TTN: variants seen among roughly 807,000 people sequenced by gnomAD.
TTN encodes connectin.
A neutral mutation model predicts 3,223.0 loss-of-function variants in TTN; 1,525 were observed. The ratio of observed to expected loss-of-function variants is 0.47; its 90% CI spans 0.45 to 0.49. The LOEUF (loss-of-function observed/expected upper bound fraction) is 0.49, where lower values mean the gene tolerates loss of function less well. Ranked by LOEUF, TTN falls within the 20% of genes least tolerant of loss-of-function variation. The probability of loss-of-function intolerance (pLI) is 0.00; values close to 1 mark genes in which losing one functional copy is unlikely to be tolerated. For synonymous variants in TTN, 14,094 were observed against 15,161.0 expected, an observed-to-expected ratio of 0.93 and a Z score of 5.17; for missense variants, 40,786 against 43,424.0, an observed-to-expected ratio of 0.94 and a Z score of 5.40.
At chr2:178,804,072 A>G (rs1172683184) in intron 2 of TTN, among the ~76,000 whole-genome samples, 1 of 152,220 alleles carries the variant, frequency 6.6e-6, no homozygotes, top group Non-Finnish European at 1.5e-5. Flanking sequence ...GAGTTGGTTA[A>G]TTACTGAACA....
Position 178,595,771 on chromosome 2 carries a change from T to G in TTN, c.57583A>C (p.Asn19195His), listed in dbSNP as rs757544346. 2 of 1,608,058 alleles carry G rather than the reference T, an allele frequency of 1.2e-6. No homozygotes were observed. The highest frequency in any genetic ancestry group is 2.7e-5 in the African/African-American group (2 of 74,824). The change falls in exon 295 of 363, where the codon AAC becomes CAC. Residue 19195 changes from asparagine (N) to histidine (H), a missense_variant. Transcript: ENST00000589042. ...AGTTTGCAGGACTCATTGGTTAGGT[T>G]GTGAGCTAGGAATGGTGTTCCAACG... ...GPVGTPFLAH[N>H]LTNESCKLTW...
Position 178,757,718 on chromosome 2 carries a change from T to C in TTN, c.10502A>G (p.Asn3501Ser). 1 of 1,613,810 alleles carries C rather than the reference T, an allele frequency of 6.2e-7. No individual in the cohort carries two copies. Among genetic ancestry groups the C allele is most frequent in the Non-Finnish European group, 8.5e-7 (1 of 1,179,776 alleles). Residue 3501 changes from asparagine (N) to serine (S), a missense_variant, in exon 45 of 363, where the codon AAC (asparagine) becomes AGC (serine). By Grantham distance (46) the Asn-to-Ser change is conservative (BLOSUM62 1). Transcript: ENST00000589042. The part of the protein sequence containing the change: ...IPKPEIQWFH[N>S]QQLILPTKDV... ...TTTTGTTGGTAGAATTAGCTGCTGG[T>C]TATGAAACCATTGGATTTCTGGCTT... is the stretch of plus-strand genomic sequence containing the variant.
chr2:178,785,019 A>G (rs916154962), intron 15 of TTN, among the ~76,000 whole-genome samples: 2 of 152,144 alleles, frequency 1.3e-5, no homozygotes, highest in African/African-American at 2.4e-5. Flanking sequence ...CATGCTGACA[A>G]CTGCAGGTTT....
chr2:178,794,136 T>C (rs1480813452), intron 8 of TTN, among the ~76,000 whole-genome samples: 1 of 150,502 alleles, frequency 6.6e-6, no homozygotes, highest in Non-Finnish European at 1.5e-5. Context: ...CTACCTTGAA[T>C]ACCATAGTTG....
intron 361 of TTN, 48 bp from the exon 362 acceptor site, chr2:178,527,796 A>G (rs751610696): frequency 6.7e-7 from 1 of 1,497,326 alleles, no homozygotes; most frequent in Non-Finnish European, 9.0e-7. Flanking sequence ...CATCTGGTTA[A>G]TTGATGACAT....
In TTN at chr2:178,534,220, G is replaced by A; in HGVS notation, c.102395C>T (p.Ser34132Phe). The change falls in exon 358 of 363, where the codon TCC (serine) becomes TTC (phenylalanine). Residue 34132 changes from serine (S) to phenylalanine (F), a missense_variant. Coordinates refer to ENST00000589042, the MANE Select transcript of TTN (RefSeq NM_001267550.2). ...CCCAGAAACTGGGCCAATTTCAATGGATGCCACTTTAACTTTAGCAACACT... is the reference window on the plus strand; with the variant it reads ...CCCAGAAACTGGGCCAATTTCAATGAATGCCACTTTAACTTTAGCAACACT... Reference protein sequence around the residue: ...GVSVAKVKVASIEIGPVSGQI... With the variant: ...GVSVAKVKVAFIEIGPVSGQI... 1 of 1,613,922 alleles carries A rather than the reference G, an allele frequency of 6.2e-7. No homozygotes were observed. The highest frequency in any genetic ancestry group is 8.5e-7 in the Non-Finnish European group (1 of 1,179,852).
In TTN at chr2:178,620,991, T is replaced by G. The variant is rs2058175006; in HGVS notation, c.45619A>C (p.Lys15207Gln). Reference sequence around the variant, plus strand: ...TTAAGAGGAACTACGATCCTGAGTTTTTCTGAAAGCAACCGACAAGACTTT... The same window carrying G: ...TTAAGAGGAACTACGATCCTGAGTTGTTCTGAAAGCAACCGACAAGACTTT... ...RAAAHLTVIE[K>Q]LRIVVPLKDT... is the part of the protein sequence containing the mutation. The change falls in exon 247 of 363, where the codon AAA becomes CAA. Residue 15207 changes from lysine (K) to glutamine (Q), a missense_variant and splice_region_variant. Transcript: ENST00000589042. 1.2e-6 allele frequency: 2 copies of G among 1,609,166 alleles called. No individual in the cohort carries two copies. Among genetic ancestry groups the G allele is most frequent in the East Asian group, 4.5e-5 (2 of 44,614 alleles).
chr2:178,547,792 G>A lies in TTN; in HGVS notation c.93834C>T (p.Ser31278=). 3.7e-6 allele frequency: 6 copies of A among 1,613,888 alleles called. No individual in the cohort carries two copies. Among genetic ancestry groups the A allele is most frequent in the Non-Finnish European group, 5.1e-6 (6 of 1,179,840 alleles). The change falls in exon 339 of 363, where the codon AGC becomes AGT. Residue 31278 remains serine, a synonymous_variant. Transcript: ENST00000589042. ...AGTATCTTCCAGAGTCACCTCTCAT[G>A]CTGTCCTTTACAGTCAGTGTGGTTC... is the stretch of plus-strand genomic sequence containing the variant. ...KDRTTLTVKD[S]MRGDSGRYFL...
chr2:178,545,660 A>G lies in TTN; in HGVS notation c.95450T>C (p.Val31817Ala), dbSNP rs758207460. The G allele has an allele frequency of 3.8e-5, 61 of 1,613,492 alleles. No homozygotes were observed. The Admixed American group carries it at 8.5e-4, about 22-fold the overall frequency. Residue 31817 changes from valine to alanine, a missense_variant, in exon 344 of 363, where the codon GTT (valine) becomes GCT (alanine). By Grantham distance (64) the Val-to-Ala change is moderately conservative. Coordinates refer to ENST00000589042, the MANE Select transcript of TTN (RefSeq NM_001267550.2). ...GATGATATGCTCTTTGCCAGTCCCA[A>G]CTTCTTCAGGTATGCCGGGTGGTGA... ...IPSPPGIPEE[V>A]GTGKEHIIIQ...
chr2:178,738,431 C>A (rs1320255343), intron 48 of TTN, 71 bp from the exon 49 acceptor site: 3 of 1,490,258 alleles, frequency 2.0e-6, no homozygotes. Flanking sequence ...TTTCTTCTAA[C>A]TTTTGTTGCT....
chr2:178,691,790 A>G (rs2072515320), intron 121 of TTN, among the ~76,000 whole-genome samples: 1 of 152,234 alleles, frequency 6.6e-6, no homozygotes, highest in Admixed American at 6.5e-5. Flanking sequence ...TAGCAGTTTG[A>G]CATAGTTACT....
chr2:178,546,333 A>G lies in TTN; in HGVS notation c.94998T>C (p.Tyr31666=). 1 of 1,613,856 alleles carries G rather than the reference A, an allele frequency of 6.2e-7. No homozygotes were observed. Among genetic ancestry groups the G allele is most frequent in the East Asian group, 2.2e-5 (1 of 44,866 alleles). Residue 31666 remains tyrosine (Y), a synonymous_variant, in exon 342 of 363, where the codon TAT becomes TAC. Coordinates refer to ENST00000589042, the MANE Select transcript of TTN (RefSeq NM_001267550.2). ...TCACAGCAGTTGCTCGTTTGCCAGT[A>G]TACTGCAAAGAGACTTTTTCACAGA... The part of the protein sequence containing the change: ...LDLCEKVSLQ[Y]TGKRATAVIK...
At chr2:178,715,802 G>GT in intron 88 of TTN, 28 bp from the exon 89 acceptor site, 2 of 1,552,468 alleles carry the variant, frequency 1.3e-6, no homozygotes, top group Non-Finnish European at 8.7e-7. Flanking sequence ...AAAACACAGG[G>GT]TAAGGGATGG....
In TTN at chr2:178,563,552, A is replaced by G. The variant is rs202169004; in HGVS notation, c.82580T>C (p.Leu27527Pro). ...GGTAAGACCAGTTACCCTGAGCCGC[A>G]GATCCGTTAATGTTTTCTTGTTGCA... ...TKCNKKTLTD[L>P]RLRVTGLTEG... Residue 27527 changes from leucine (L) to proline (P), a missense_variant, in exon 326 of 363, where the codon CTG (leucine) becomes CCG (proline). Leu to Pro is a moderately conservative substitution (Grantham distance 98). Transcript: ENST00000589042. This position sits in a 1 kb window ranked among gnomAD's most constrained non-coding sequence, Gnocchi z 4.5. 9 of 1,613,808 alleles carry G rather than the reference A, an allele frequency of 5.6e-6. No homozygotes were observed. Among genetic ancestry groups the G allele is most frequent in the South Asian group, 1.1e-5 (1 of 91,086 alleles).
chr2:178,670,314 T>G lies in TTN; in HGVS notation c.35309-19A>C. The G allele has an allele frequency of 7.4e-7, 1 of 1,348,198 alleles. No individual in the cohort carries two copies. The highest frequency in any genetic ancestry group is 9.7e-7 in the Non-Finnish European group (1 of 1,031,186). The allele number at this position is 1,348,198 out of a possible 1,614,324, so 83.5% of individuals were successfully genotyped here. A position where few individuals can be genotyped will look rare whatever the true frequency, so the allele number is the denominator to read the frequency against. On this transcript the variant is annotated intron_variant, in intron 156 of 362. Transcript: ENST00000589042. Reference sequence around the variant, plus strand: ...TCCGGTACTTTAAAGATAATAGTAATAATTTCTTTTATTTTTAAATATACA... The same window carrying G: ...TCCGGTACTTTAAAGATAATAGTAAGAATTTCTTTTATTTTTAAATATACA...
intron 34 of TTN, 97 bp downstream of exon 34, chr2:178,771,114 T>C (rs1173733168): frequency 3.8e-6 from 6 of 1,567,840 alleles, no homozygotes; most frequent in South Asian, 1.1e-5. Context: ...GAAATGAAAA[T>C]TTATGGTATC....
At chr2:178,780,293 GA>G (rs2092649640) in intron 21 of TTN, 88 bp from the exon 22 acceptor site, 2 of 1,266,982 alleles carry the variant, frequency 1.6e-6, no homozygotes, top group African/African-American at 3.0e-5. Context: ...CTACACTGGG[GA>G]AAGTTGATAA....
rs2060631229 is a variant in TTN at position 178,637,362 on chromosome 2, A to G, written c.40927+7T>C. 7 of 1,461,910 alleles carry G rather than the reference A, an allele frequency of 4.8e-6. No homozygotes were observed. The highest frequency in any genetic ancestry group is 5.5e-5 in the East Asian group (2 of 36,562). 90.6% of individuals were successfully genotyped at this position (1,461,910 alleles called of 1,614,324 possible). A position where few individuals can be genotyped will look rare whatever the true frequency, so the allele number is the denominator to read the frequency against. The stretch of plus-strand genomic sequence containing the variant: ...TACAATGCAAGTACTAGAAAAATGA[A>G]TTTCACCTTTGATAGGACCTTTTGG... On this transcript the variant is annotated splice_region_variant and intron_variant, in intron 224 of 362. Coordinates refer to ENST00000589042, the MANE Select transcript of TTN (RefSeq NM_001267550.2).
intron 113 of TTN, 99 bp from the exon 114 acceptor site, chr2:178,696,368 T>C: frequency 9.7e-7 from 1 of 1,031,532 alleles, no homozygotes. Flanking sequence ...GTATTTCAGA[T>C]CTATTTTATT....
Sources: gnomAD v4.1 joint callset for allele counts (sites outside exome capture counted in the v4.1 genomes callset) on GRCh38, gnomAD v4.1.1 for gene constraint, Gnocchi (gnomAD v3.1) non-coding constraint, MANE v1.5 for transcripts, NCBI Gene and HGNC (gene_info 2026-07-23, HGNC 2026-07-21) for gene names.